Variants in KANSL1L observed in about 807,000 individuals in gnomAD.
The protein encoded by KANSL1L is KAT8 regulatory NSL complex subunit 1-like protein.
A neutral mutation model predicts 108.6 loss-of-function variants in KANSL1L; 25 were observed. The ratio of observed to expected loss-of-function variants is 0.23; its 90% CI spans 0.17 to 0.32. KANSL1L has a LOEUF of 0.32. Among genes scored for constraint, KANSL1L ranks in the 10% least tolerant of loss-of-function variants. KANSL1L has a pLI of 1.00. For synonymous variants in KANSL1L, 405 were observed against 395.1 expected (o/e 1.03, Z -0.30); for missense variants, 1,137 against 1,125.7 (o/e 1.01, Z -0.14).
At chr2:210,139,454 T>C (rs889864049) in intron 2 of KANSL1L, among the ~76,000 whole-genome samples, 11 of 152,222 alleles carry the variant, frequency 7.2e-5, no homozygotes, top group Non-Finnish European at 1.6e-4. Context: ...ATATGGTAAT[T>C]CTATTTTAAA....
At position 210,120,565 on chromosome 2, in the gene KANSL1L, C is replaced by G. The variant is rs543837992; in HGVS notation, c.1230+8466G>C. ...ATGCTGGAAGACAACCTAAGCAATA[C>G]CATCCAGGACATAGGCACAGGCAAC... On this transcript the variant is annotated intron_variant, in intron 3 of 14. Coordinates refer to ENST00000281772, the MANE Select transcript of KANSL1L (RefSeq NM_152519.4). 3.3e-5 allele frequency among the ~76,000 whole-genome samples: 5 copies of G among 152,184 alleles called. No individual in the cohort carries two copies. The South Asian group carries it at 1.0e-3, about 32-fold the overall frequency.
At position 210,153,538 on chromosome 2, in the gene KANSL1L, C is replaced by G. The variant is rs1270410462; in HGVS notation, c.1045G>C (p.Asp349His). 6.2e-7 allele frequency: 1 copy of G among 1,613,984 alleles called. No homozygotes were observed. The highest frequency in any genetic ancestry group is 8.5e-7 in the Non-Finnish European group (1 of 1,180,014). The change falls in exon 2 of 15, where the codon GAT (aspartate) becomes CAT (histidine). Residue 349 changes from aspartate to histidine, a missense_variant. Physicochemically the swap from Asp to His is moderately conservative, Grantham distance 81. Coordinates refer to ENST00000281772, the MANE Select transcript of KANSL1L (RefSeq NM_152519.4). ...AGGGTATATTCATCCAAATCGTCAT[C>G]AGAGCTGCTATCAGTTGCATCGGAA... ...LDSDATDSSS[D>H]DDLDEYTLRK...
chr2:210,126,579 C>T (rs1038551893), intron 3 of KANSL1L, among the ~76,000 whole-genome samples: 1 of 152,150 alleles, frequency 6.6e-6, no homozygotes, highest in South Asian at 2.1e-4. Flanking sequence ...TTTTGGGAAG[C>T]CAAGGCAGGC....
At chr2:210,087,683 C>T (rs1387158083) in intron 5 of KANSL1L, among the ~76,000 whole-genome samples, 1 of 152,130 alleles carries the variant, frequency 6.6e-6, no homozygotes, top group Non-Finnish European at 1.5e-5. Context: ...AAAATTCTTA[C>T]TCTCCTGAAG....
intron 7 of KANSL1L, among the ~76,000 whole-genome samples, chr2:210,042,111 G>A (rs554840362): frequency 6.6e-6 from 1 of 152,232 alleles, no homozygotes; most frequent in Admixed American, 6.5e-5. Flanking sequence ...TGCAATTTGT[G>A]GGAAAACATG....
intron 2 of KANSL1L, among the ~76,000 whole-genome samples, chr2:210,141,084 A>G (rs754691845): frequency 2.6e-5 from 4 of 151,830 alleles, no homozygotes; most frequent in Non-Finnish European, 5.9e-5. Flanking sequence ...TGATTTGGAT[A>G]CTTTTTTAAA....
intron 5 of KANSL1L, among the ~76,000 whole-genome samples, chr2:210,078,731 A>G (rs1432815121): frequency 6.6e-6 from 1 of 152,186 alleles, no homozygotes; most frequent in Non-Finnish European, 1.5e-5. Flanking sequence ...CATGAGGAAA[A>G]TCCTGAGAAA....
At chr2:210,081,867 A>T (rs879572890) in intron 5 of KANSL1L, among the ~76,000 whole-genome samples, 14 of 152,340 alleles carry the variant, frequency 9.2e-5, no homozygotes, top group Admixed American at 8.5e-4. Context: ...AGACAACTTT[A>T]AAAAAAGATA....
At chr2:210,134,538 T>C (rs1480595543) in intron 2 of KANSL1L, among the ~76,000 whole-genome samples, 2 of 152,154 alleles carry the variant, frequency 1.3e-5, no homozygotes. Context: ...TGAATTCTGT[T>C]CTGACAGGTT....
rs762627446 is a variant in KANSL1L, at chr2:210,027,329, C to G, written c.2418G>C (p.Gln806His). The G allele has an allele frequency of 6.2e-7, 1 of 1,612,794 alleles. No individual in the cohort carries two copies. Among genetic ancestry groups the G allele is most frequent in the Non-Finnish European group, 8.5e-7 (1 of 1,179,062 alleles). The change falls in exon 12 of 15, where the codon CAG (glutamine) becomes CAC (histidine). Residue 806 changes from glutamine to histidine, a missense_variant. Gln to His is a conservative substitution (Grantham distance 24). This residue lies in a region of KANSL1L where 575 missense variants were observed against 567.1 expected (regional missense o/e 1.01). Coordinates refer to ENST00000281772, the MANE Select transcript of KANSL1L (RefSeq NM_152519.4). ...LTPSWRMVVLQPLDEYNLGKE... is the reference protein window; with the variant it reads ...LTPSWRMVVLHPLDEYNLGKE... Reference sequence around the variant, plus strand: ...TGCCTAAATTATATTCATCCAAAGGCTGAAGAACAACCATCCTCCAGCTGT... The same window carrying G: ...TGCCTAAATTATATTCATCCAAAGGGTGAAGAACAACCATCCTCCAGCTGT...
intron 1 of KANSL1L, among the ~76,000 whole-genome samples, chr2:210,162,909 C>G (rs768516646): frequency 2.0e-4 from 31 of 152,262 alleles, no homozygotes; most frequent in South Asian, 6.2e-4. Flanking sequence ...ATATCCAACT[C>G]CAGCAGCCTC....
At chr2:210,172,389 C>A (rs988537436), upstream of KANSL1L, among the ~76,000 whole-genome samples, 8 of 152,170 alleles carry the variant, frequency 5.3e-5, no homozygotes, top group African/African-American at 1.9e-4. Context: ...TGGATAAGAT[C>A]CCGGGGGCGG....
chr2:210,159,727 A>G (rs1392518718), intron 1 of KANSL1L, among the ~76,000 whole-genome samples: 4 of 152,230 alleles, frequency 2.6e-5, no homozygotes, highest in Non-Finnish European at 4.4e-5. Context: ...AGTATGGCTT[A>G]TTTCATGAAC....
chr2:210,110,671 ATTTG>A (rs1187542123), intron 3 of KANSL1L, among the ~76,000 whole-genome samples: 1 of 152,212 alleles, frequency 6.6e-6, no homozygotes, highest in Non-Finnish European at 1.5e-5. Context: ...GACATGAAAA[ATTTG>A]TTTGAACCTC....
At chr2:210,148,099 GAAAATTTGAATATAT>G (rs1427473889) in intron 2 of KANSL1L, among the ~76,000 whole-genome samples, 1 of 152,068 alleles carries the variant, frequency 6.6e-6, no homozygotes, top group East Asian at 1.9e-4. Flanking sequence ...AAAACTTAAA[GAAAATTTGAATATAT>G]GCTGACCAAT....
chr2:210,036,905 C>A (rs959376647), intron 8 of KANSL1L, among the ~76,000 whole-genome samples: 1 of 151,340 alleles, frequency 6.6e-6, no homozygotes, highest in Non-Finnish European at 1.5e-5. Flanking sequence ...AACAGGTGCA[C>A]GCCACCATGC....
chr2:210,027,863 A>G lies in KANSL1L; in HGVS notation c.2397-513T>C, dbSNP rs2089062332. Among the ~76,000 whole-genome samples the G allele has an allele frequency of 3.3e-5, 5 of 152,358 alleles. No homozygotes were observed. In the South Asian group the frequency reaches 1.0e-3, roughly 32 times the overall value. ...ATAGAACGTCATAGCCACAAATGTT[A>G]TTACTTATGCAACAAGTATCCACAG... On this transcript the variant is annotated intron_variant, in intron 11 of 14. Transcript: ENST00000281772.
At chr2:210,031,206 G>C (rs1267468146) in intron 9 of KANSL1L, 1 of 430,402 alleles carries the variant, frequency 2.3e-6, no homozygotes, top group African/African-American at 2.1e-5. Flanking sequence ...GAACATAGGA[G>C]GGAAATACTT....
intron 6 of KANSL1L, among the ~76,000 whole-genome samples, chr2:210,072,066 T>C (rs2723208): frequency 0.47 from 72,171 of 152,112 alleles, 19,631 homozygotes; most frequent in Middle Eastern, 0.61. Flanking sequence ...TAATCTACCA[T>C]CAATAGTCTA....
Sources: gnomAD v4.1 joint callset for allele counts (sites outside exome capture counted in the v4.1 genomes callset) on GRCh38, gnomAD v4.1.1 for gene constraint, gnomAD v4.1.1 regional missense constraint, MANE v1.5 for transcripts, NCBI Gene and HGNC (gene_info 2026-07-23, HGNC 2026-07-21) for gene names.